Variants in COL14A1 observed in about 807,000 individuals in gnomAD.
COL14A1 encodes collagen alpha-1(XIV) chain.
A neutral mutation model predicts 230.3 loss-of-function variants in COL14A1; 136 were observed. The observed-to-expected ratio is 0.59, with a 90% CI of 0.51 to 0.68. COL14A1 has a LOEUF of 0.68. Ranked by LOEUF, COL14A1 falls within the 30% of genes least tolerant of loss-of-function variation. The pLI, the probability that COL14A1 is intolerant of heterozygous loss-of-function variation, is 0.00. For synonymous variants in COL14A1, 792 were observed against 784.1 expected (o/e 1.01, Z -0.17); for missense variants, 1,976 against 2,215.8 (o/e 0.89, Z 2.17).
intron 8 of COL14A1, among the ~76,000 whole-genome samples, chr8:120,201,908 G>A (rs936379778): frequency 7.0e-6 from 1 of 143,556 alleles, no homozygotes; most frequent in East Asian, 2.5e-4. Flanking sequence ...GAAGGTGAGG[G>A]AGAAGCAAAA....
chr8:120,325,184 T>A (rs1432621760), intron 40 of COL14A1, among the ~76,000 whole-genome samples: 1 of 152,210 alleles, frequency 6.6e-6, no homozygotes, highest in Admixed American at 6.5e-5. Context: ...ACTTAATAAG[T>A]TGCTCATAGG....
chr8:120,300,486 C>T (rs1316611252), intron 35 of COL14A1, among the ~76,000 whole-genome samples: 1 of 151,864 alleles, frequency 6.6e-6, no homozygotes, highest in Non-Finnish European at 1.5e-5. Context: ...ATTGTCTTTC[C>T]TCACCTGGAT....
intron 45 of COL14A1, among the ~76,000 whole-genome samples, chr8:120,349,381 G>A (rs574140560): frequency 5.3e-5 from 8 of 150,800 alleles, no homozygotes; most frequent in Non-Finnish European, 8.8e-5. Flanking sequence ...ACAAAGCTGG[G>A]TGGAGAATGA....
chr8:120,371,054 C>A, intron 47 of COL14A1, 98 bp from the exon 48 acceptor site: 2 of 1,127,450 alleles, frequency 1.8e-6, no homozygotes, highest in Non-Finnish European at 2.6e-6. Flanking sequence ...TTTTACCCAG[C>A]AGGATATCTC....
rs201347502 is a variant in COL14A1, at chr8:120,316,013, A to C, written c.4659+16A>C. 32 of 1,613,876 alleles carry C rather than the reference A, an allele frequency of 2.0e-5. 1 individual carries two copies. In the East Asian group the frequency reaches 5.6e-4, roughly 28 times the overall value. ...AGGCCAGAGGGTAAGGTCTTGCCCA[A>C]GGTTGGTTTTTAGCAAAGTAGTGAC... On this transcript the variant is annotated intron_variant, in intron 40 of 47. Transcript: ENST00000297848.
rs781595244 is a variant in COL14A1 at position 120,283,651 on chromosome 8, A to G, written c.3840A>G (p.Glu1280=). ...VSQPTRYLHP[E]GLPSDYTISF... is the part of the protein sequence containing the mutation. ...CTATGTTCAGGTACTTGCACCCAGA[A>G]GGATTGCCCTCCGACTACACAATCA... The change falls in exon 32 of 48, where the codon GAA becomes GAG. Residue 1280 remains glutamate (E), a synonymous_variant. Transcript: ENST00000297848. 16 of 1,610,600 alleles carry G rather than the reference A, an allele frequency of 9.9e-6. No homozygotes were observed. Among genetic ancestry groups the G allele is most frequent in the African/African-American group, 1.3e-5 (1 of 74,776 alleles).
chr8:120,127,531 G>A (rs549373404), intron 1 of COL14A1, among the ~76,000 whole-genome samples: 1 of 152,294 alleles, frequency 6.6e-6, no homozygotes, highest in African/African-American at 2.4e-5. Flanking sequence ...GAGAACTCTT[G>A]GGGCCCTCCA....
At chr8:120,280,189 GA>G in intron 29 of COL14A1, 90 bp downstream of exon 29, 1 of 1,440,338 alleles carries the variant, frequency 6.9e-7, no homozygotes, top group African/African-American at 1.4e-5. Context: ...CTAGATCTGA[GA>G]AAAGAATATT....
chr8:120,369,557 G>C, intron 47 of COL14A1, 72 bp downstream of exon 47: 6 of 1,368,640 alleles, frequency 4.4e-6, no homozygotes, highest in Non-Finnish European at 5.8e-6. Context: ...AAAATGGGAA[G>C]ATAGTGCTAT....
intron 9 of COL14A1, among the ~76,000 whole-genome samples, chr8:120,204,640 G>A (rs183436512): frequency 2.1e-3 from 324 of 152,288 alleles, no homozygotes; most frequent in African/African-American, 7.3e-3. Flanking sequence ...ATGTTCATGT[G>A]GAGGTTCTTG....
chr8:120,330,913 C>G (rs985138910), intron 40 of COL14A1, among the ~76,000 whole-genome samples: 11 of 152,048 alleles, frequency 7.2e-5, no homozygotes, highest in African/African-American at 2.7e-4. Flanking sequence ...CGAGACGAGT[C>G]TGACGAACAT....
At chr8:120,225,950 G>T (rs180884433) in intron 15 of COL14A1, among the ~76,000 whole-genome samples, 69 of 151,192 alleles carry the variant, frequency 4.6e-4, no homozygotes, top group African/African-American at 1.6e-3. Flanking sequence ...GCTAATTCTA[G>T]TTGGGATTCT....
At chr8:120,207,154 G>A in intron 10 of COL14A1, 60 bp downstream of exon 10, 1 of 1,368,954 alleles carries the variant, frequency 7.3e-7, no homozygotes, top group Non-Finnish European at 9.9e-7. Context: ...TTCTACAATA[G>A]TGAGAACAAG....
intron 26 of COL14A1, among the ~76,000 whole-genome samples, chr8:120,272,447 A>G (rs915274959): frequency 3.3e-5 from 5 of 151,774 alleles, no homozygotes; most frequent in Non-Finnish European, 7.4e-5. Context: ...ACATCTCAAT[A>G]TTAACGTTGA....
chr8:120,280,711 C>T lies in COL14A1; in HGVS notation c.3647C>T (p.Thr1216Ile). The change falls in exon 30 of 48, where the codon ACC (threonine) becomes ATC (isoleucine). Residue 1216 changes from threonine (T) to isoleucine (I), a missense_variant and splice_region_variant. Around this residue, in one of 3 missense-constraint regions of COL14A1, gnomAD observed 1,791 missense variants for 2,019.5 expected, o/e 0.89. Coordinates refer to ENST00000297848, the MANE Select transcript of COL14A1 (RefSeq NM_021110.4). ...ITFVCETASA[T>I]CPVVHKDGID... ...TTATTTTGTTTGTTTGGTTTTCCAG[C>T]CTGTCCAGTGGTACACAAGGATGGC... 3 of 1,613,054 alleles carry T rather than the reference C, an allele frequency of 1.9e-6. No individual in the cohort carries two copies. Among genetic ancestry groups the T allele is most frequent in the Non-Finnish European group, 2.5e-6 (3 of 1,179,586 alleles).
At chr8:120,179,719 C>CA (rs925635871) in intron 5 of COL14A1, among the ~76,000 whole-genome samples, 9 of 151,394 alleles carry the variant, frequency 5.9e-5, no homozygotes, top group African/African-American at 9.7e-5. Context: ...CATATGGAAC[C>CA]AAAAAAAAGC....
intron 5 of COL14A1, among the ~76,000 whole-genome samples, chr8:120,183,149 G>T (rs1816530653): frequency 3.3e-5 from 5 of 152,124 alleles, no homozygotes; most frequent in Admixed American, 2.6e-4. Flanking sequence ...CATTACAGGA[G>T]ATGGGGGAAT....
At chr8:120,247,892 G>A (rs2129653561) in intron 21 of COL14A1, among the ~76,000 whole-genome samples, 157 bp downstream of exon 21, 1 of 152,228 alleles carries the variant, frequency 6.6e-6, no homozygotes, top group East Asian at 1.9e-4. Flanking sequence ...AAGTGTTTTA[G>A]TATGGTCAGT....
Position 120,369,098 on chromosome 8 carries a change from G to C in COL14A1, c.5156-232G>C, listed in dbSNP as rs4590476. The stretch of plus-strand genomic sequence containing the variant: ...GAAATAGAAAAGATGCATTTTGCTT[G>C]CCAGTTTCCTGAGCTGATTGAGAGC... On this transcript the variant is annotated intron_variant, in intron 46 of 47. Coordinates refer to ENST00000297848, the MANE Select transcript of COL14A1 (RefSeq NM_021110.4). 0.77 allele frequency among the ~76,000 whole-genome samples: 116,938 copies of C among 152,148 alleles called. 46,885 individuals are homozygous for C. Among genetic ancestry groups the C allele is most frequent in the Non-Finnish European group, 0.89 (60,378 of 68,018 alleles).
Sources: gnomAD v4.1 joint callset for allele counts (sites outside exome capture counted in the v4.1 genomes callset) on GRCh38, gnomAD v4.1.1 for gene constraint, gnomAD v4.1.1 regional missense constraint, MANE v1.5 for transcripts, NCBI Gene and HGNC (gene_info 2026-07-23, HGNC 2026-07-21) for gene names.